The following FBXO38 variants were observed in gnomAD, a reference collection of about 807,000 sequenced individuals.
FBXO38 encodes F-box only protein 38.
FBXO38 carries 53 observed loss-of-function variants against 131.9 expected under a neutral mutation model. The observed-to-expected ratio is 0.40, with a 90% CI of 0.32 to 0.51. The LOEUF (loss-of-function observed/expected upper bound fraction) is 0.51. Ranked by LOEUF, FBXO38 falls within the 20% of genes least tolerant of loss-of-function variation. The pLI is 0.53. For synonymous variants in FBXO38, 452 were observed against 505.6 expected (o/e 0.89, Z 1.42); for missense variants, 1,076 against 1,475.6 (o/e 0.73, Z 4.44).
Position 148,423,994 on chromosome 5 carries a change from G to A in FBXO38, c.1619-4G>A. ...TTTTTACTTTGTGTATATTTTCGTTGAAGCATTAAATGAGATGGAAGACAT... is the reference window on the plus strand; with the variant it reads ...TTTTTACTTTGTGTATATTTTCGTTAAAGCATTAAATGAGATGGAAGACAT... On this transcript the variant is annotated splice_polypyrimidine_tract_variant and splice_region_variant and intron_variant, in intron 12 of 21. Transcript: ENST00000340253. 6.2e-7 allele frequency: 1 copy of A among 1,605,864 alleles called. No individual in the cohort carries two copies. Among genetic ancestry groups the A allele is most frequent in the African/African-American group, 1.3e-5 (1 of 74,348 alleles).
In FBXO38 at chr5:148,427,608, G is replaced by A; in HGVS notation, c.2314G>A (p.Val772Ile). 1 of 1,614,192 alleles carries A rather than the reference G, an allele frequency of 6.2e-7. No homozygotes were observed. The highest frequency in any genetic ancestry group is 8.5e-7 in the Non-Finnish European group (1 of 1,180,034). The change falls in exon 15 of 22, where the codon GTC (valine) becomes ATC (isoleucine). Residue 772 changes from valine to isoleucine, a missense_variant. This residue lies in a region of FBXO38 where 213 missense variants were observed against 225.2 expected (regional missense o/e 0.95). Coordinates refer to ENST00000340253, the MANE Select transcript of FBXO38 (RefSeq NM_205836.3). ...GGAGGAGGGAGATGCAGAGAGTTCT[G>A]TCTGCCCCAGATGCTGCTGTCACAG... ...AMEEGDAESS[V>I]CPRCCCHRPQ... is the part of the protein sequence containing the mutation.
intron 7 of FBXO38, among the ~76,000 whole-genome samples, chr5:148,408,224 T>TA (rs1752547685): frequency 6.6e-6 from 1 of 152,202 alleles, no homozygotes; most frequent in Non-Finnish European, 1.5e-5. Flanking sequence ...ATGAAAAAGA[T>TA]AAAAACAGTA....
chr5:148,413,765 G>A (rs78250846), intron 9 of FBXO38: 2,769 of 159,786 alleles, frequency 0.017, 83 homozygotes, highest in African/African-American at 0.062. Context: ...TATTGTAAGG[G>A]AGTTGAGTTT....
At chr5:148,436,988 C>G (rs1447490574) in intron 17 of FBXO38, among the ~76,000 whole-genome samples, 1 of 152,208 alleles carries the variant, frequency 6.6e-6, no homozygotes, top group African/African-American at 2.4e-5. Context: ...GTACCTACAC[C>G]CTTTGAGCTC....
At chr5:148,432,913 C>T (rs1043341111) in intron 15 of FBXO38, among the ~76,000 whole-genome samples, 1 of 152,158 alleles carries the variant, frequency 6.6e-6, no homozygotes, top group Non-Finnish European at 1.5e-5. Context: ...GGTCGTATTT[C>T]AAAAAGTAAG....
At position 148,427,947 on chromosome 5, in the gene FBXO38, G is replaced by A. The variant is rs1753820091; in HGVS notation, c.2653G>A (p.Glu885Lys). The A allele has an allele frequency of 6.6e-7, 1 of 1,505,618 alleles. No individual in the cohort carries two copies. The highest frequency in any genetic ancestry group is 1.4e-5 in the African/African-American group (1 of 71,510). The allele number at this position is 1,505,618 out of a possible 1,614,324, so 93.3% of individuals were successfully genotyped here. The change falls in exon 15 of 22, where the codon GAA (glutamate) becomes AAA (lysine). Residue 885 changes from glutamate to lysine, a missense_variant and splice_region_variant. Around this residue, in one of 8 missense-constraint regions of FBXO38, gnomAD observed 282 missense variants for 418.8 expected, o/e 0.67. Transcript: ENST00000340253. ...CCATGTACTGCTGGTATCTGAGTCAGGTATGACAATGCTCCTAGGATTAGC... is the reference window on the plus strand; with the variant it reads ...CCATGTACTGCTGGTATCTGAGTCAAGTATGACAATGCTCCTAGGATTAGC... ...LSHVLLVSESEVAKTKPRHAM... is the reference protein window; with the variant it reads ...LSHVLLVSESKVAKTKPRHAM...
chr5:148,394,755 TG>T lies in FBXO38; in HGVS notation c.-21del, dbSNP rs1228675651. On this transcript the variant is annotated 5_prime_UTR_variant, in exon 2 of 22. Coordinates refer to ENST00000340253, the MANE Select transcript of FBXO38 (RefSeq NM_205836.3). ...TAAACAAAAGGGAAGATTTTCTCGTTGATACTGGAGACTGCACAACAATGGG... is the reference window on the plus strand; with the variant it reads ...TAAACAAAAGGGAAGATTTTCTCGTTATACTGGAGACTGCACAACAATGGG... 1 of 1,486,510 alleles carries T rather than the reference TG, an allele frequency of 6.7e-7. No homozygotes were observed. The highest frequency in any genetic ancestry group is 9.0e-7 in the Non-Finnish European group (1 of 1,116,702). The allele number at this position is 1,486,510 out of a possible 1,614,324, so 92.1% of individuals were successfully genotyped here.
intron 12 of FBXO38, among the ~76,000 whole-genome samples, chr5:148,417,801 G>A (rs1214822953): frequency 6.6e-6 from 1 of 152,196 alleles, no homozygotes; most frequent in East Asian, 1.9e-4. Context: ...CTGTTGATGA[G>A]TGAAGTGATG....
At chr5:148,395,564 A>C (rs1001180028) in intron 2 of FBXO38, among the ~76,000 whole-genome samples, 1 of 152,114 alleles carries the variant, frequency 6.6e-6, no homozygotes, top group African/African-American at 2.4e-5. Flanking sequence ...CAAATAAGCA[A>C]ATTCTAACAT....
rs749280386 is a variant in FBXO38 at position 148,402,403 on chromosome 5, A to T, written c.482A>T (p.His161Leu). The change falls in exon 5 of 22, where the codon CAT becomes CTT. Residue 161 changes from histidine to leucine, a missense_variant. Physicochemically the swap from His to Leu is moderately conservative, Grantham distance 99. This residue lies in a region of FBXO38 where 96 missense variants were observed against 193.9 expected (regional missense o/e 0.50). Coordinates refer to ENST00000340253, the MANE Select transcript of FBXO38 (RefSeq NM_205836.3). ...GAATCCATTTGGACATATATGCCCC[A>T]TGTTCATATTTTGGGGAAATTTCGT... is the stretch of plus-strand genomic sequence containing the variant. ...LVESIWTYMPHVHILGKFRNR... is the reference protein window; with the variant it reads ...LVESIWTYMPLVHILGKFRNR... 3 of 1,613,164 alleles carry T rather than the reference A, an allele frequency of 1.9e-6. No homozygotes were observed. The highest frequency in any genetic ancestry group is 2.5e-6 in the Non-Finnish European group (3 of 1,179,398).
intron 12 of FBXO38, among the ~76,000 whole-genome samples, chr5:148,422,322 G>C (rs1753488406): frequency 6.6e-6 from 1 of 152,102 alleles, no homozygotes; most frequent in African/African-American, 2.4e-5. Context: ...CTGGTGCCTA[G>C]CATTGCACTA....
chr5:148,410,304 A>G (rs1752677700), intron 8 of FBXO38: 1 of 266,830 alleles, frequency 3.7e-6, no homozygotes, highest in Non-Finnish European at 7.1e-6. Flanking sequence ...TGCTGTCCTC[A>G]TGATAGTGAA....
rs1358358493 is a variant in FBXO38 at position 148,415,882 on chromosome 5, GA to G, written c.1265-42del. The G allele has an allele frequency of 3.1e-6, 5 of 1,606,134 alleles. No homozygotes were observed. The African/African-American group carries it at 6.7e-5, about 22-fold the overall frequency. On this transcript the variant is annotated intron_variant, in intron 10 of 21. Transcript: ENST00000340253. The stretch of plus-strand genomic sequence containing the variant: ...TGTATCAAAATTCATCAGTAATGGG[GA>G]AAATGTTACTTAGATTTTCTCTGGT...
At chr5:148,384,910 A>G (rs141026690) in intron 1 of FBXO38, 4 of 152,350 alleles carry the variant, frequency 2.6e-5, no homozygotes, top group African/African-American at 7.2e-5. Flanking sequence ...CAAAGTTGCT[A>G]TTAACTTGAT....
chr5:148,394,844 C>T lies in FBXO38; in HGVS notation c.68C>T (p.Ala23Val). The change falls in exon 2 of 22, where the codon GCA (alanine) becomes GTA (valine). Residue 23 changes from alanine (A) to valine (V), a missense_variant. Ala to Val is a moderately conservative substitution (Grantham distance 64). Around this residue, in one of 8 missense-constraint regions of FBXO38, gnomAD observed 58 missense variants for 53.1 expected, o/e 1.09. Transcript: ENST00000340253. ...AATGAAATTCCAGAAGAAATGACAG[C>T]AGATGAAACAAAGGACTATATGAAT... is the stretch of plus-strand genomic sequence containing the variant. ...MNNEIPEEMT[A>V]DETKDYMNQL... 1 of 1,601,820 alleles carries T rather than the reference C, an allele frequency of 6.2e-7. No homozygotes were observed. Among genetic ancestry groups the T allele is most frequent in the Non-Finnish European group, 8.5e-7 (1 of 1,174,474 alleles).
At chr5:148,405,091 T>A (rs1455882950) in intron 6 of FBXO38, among the ~76,000 whole-genome samples, 3 of 152,262 alleles carry the variant, frequency 2.0e-5, no homozygotes, top group African/African-American at 7.2e-5. Flanking sequence ...ATTGTTTTAT[T>A]AAATTTCAGT....
At chr5:148,399,862 T>C (rs2113524472) in intron 3 of FBXO38, among the ~76,000 whole-genome samples, 1 of 152,208 alleles carries the variant, frequency 6.6e-6, no homozygotes, top group South Asian at 2.1e-4. Flanking sequence ...TCATCCTTTT[T>C]CTATGATGTC....
chr5:148,400,863 A>G (rs1752109108), intron 3 of FBXO38, among the ~76,000 whole-genome samples: 1 of 152,074 alleles, frequency 6.6e-6, no homozygotes, highest in Non-Finnish European at 1.5e-5. Context: ...ATGGGGTGAT[A>G]ACCTTTCTGA....
intron 8 of FBXO38, among the ~76,000 whole-genome samples, chr5:148,409,470 AG>A (rs1395555931): frequency 2.6e-5 from 4 of 152,220 alleles, no homozygotes; most frequent in African/African-American, 9.6e-5. Context: ...AGAGAAAAGC[AG>A]TGGAATTTCT....
Sources: allele counts gnomAD v4.1 joint callset (sites outside exome capture counted in the v4.1 genomes callset), GRCh38; gene constraint gnomAD v4.1.1; regional missense constraint gnomAD v4.1.1; transcripts MANE v1.5; gene names NCBI Gene and HGNC (gene_info 2026-07-23, HGNC 2026-07-21).